B4GALT6: variants seen among roughly 807,000 people sequenced by gnomAD.
The protein encoded by B4GALT6 is UDP-Gal:beta-GlcNAc beta-1,4-galactosyltransferase 6.
B4GALT6 carries 14 observed loss-of-function variants against 46.3 expected under a neutral mutation model. That is an observed-to-expected ratio of 0.30 (90% CI 0.20 to 0.47). The LOEUF is 0.47. B4GALT6 is among the 20% of genes least tolerant of loss of function. The pLI is 0.99. For synonymous variants in B4GALT6, 168 were observed against 162.0 expected (o/e 1.04, Z -0.28); for missense variants, 386 against 480.1 (o/e 0.80, Z 1.83).
the B4GALT6 span, among the ~76,000 whole-genome samples, chr18:31,691,012 A>G: frequency 1.3e-5 from 2 of 152,038 alleles, no homozygotes; most frequent in Non-Finnish European, 2.9e-5. Flanking sequence ...AAGGGGAGGG[A>G]GAGCATTAGG....
intron 1 of B4GALT6, among the ~76,000 whole-genome samples, chr18:31,681,850 A>G (rs958507076): frequency 6.6e-6 from 1 of 152,208 alleles, no homozygotes; most frequent in African/African-American, 2.4e-5. Context: ...GGCACATAAA[A>G]AGTACTTACA....
intron 3 of B4GALT6, among the ~76,000 whole-genome samples, chr18:31,647,528 G>A (rs2074005895): frequency 6.6e-6 from 1 of 152,058 alleles, no homozygotes; most frequent in Non-Finnish European, 1.5e-5. Context: ...TGTGCTTGTT[G>A]CCCTTTGCTC....
chr18:31,637,025 T>C (rs1235124593), intron 5 of B4GALT6, among the ~76,000 whole-genome samples: 1 of 152,042 alleles, frequency 6.6e-6, no homozygotes, highest in African/African-American at 2.4e-5. Context: ...TTCACCATCT[T>C]GGCCAGGCTG....
chr18:31,638,909 G>A (rs1393812467), intron 4 of B4GALT6, 149 bp from the exon 5 acceptor site: 11 of 657,148 alleles, frequency 1.7e-5, no homozygotes, highest in East Asian at 5.4e-5. Flanking sequence ...AAGCAAACAC[G>A]CAAAAAGCCC....
chr18:31,708,320 T>C, the B4GALT6 span, among the ~76,000 whole-genome samples: 1 of 152,212 alleles, frequency 6.6e-6, no homozygotes, highest in East Asian at 1.9e-4. Flanking sequence ...ATCCCAGCAC[T>C]TTGGGAGGCC....
intron 3 of B4GALT6, among the ~76,000 whole-genome samples, chr18:31,657,515 G>A (rs955563803): frequency 5.3e-5 from 8 of 152,058 alleles, no homozygotes; most frequent in Non-Finnish European, 1.0e-4. Flanking sequence ...TTTCATAACC[G>A]GAAAGAATAC....
At chr18:31,704,300 C>G in the B4GALT6 span, among the ~76,000 whole-genome samples, 5 of 151,736 alleles carry the variant, frequency 3.3e-5, no homozygotes, top group Non-Finnish European at 5.9e-5. Context: ...CCTCCACCTC[C>G]CAGGTTCAAG....
intron 3 of B4GALT6, among the ~76,000 whole-genome samples, chr18:31,652,397 C>T (rs1282104414): frequency 1.3e-5 from 2 of 152,146 alleles, no homozygotes; most frequent in Admixed American, 1.3e-4. Context: ...GCAGTCTTGT[C>T]TCTCTGGGAT....
At chr18:31,670,857 C>T (rs143531593) in intron 1 of B4GALT6, among the ~76,000 whole-genome samples, 386 of 152,064 alleles carry the variant, frequency 2.5e-3, no homozygotes, top group African/African-American at 8.9e-3. Flanking sequence ...ACCCATCAAC[C>T]CGTCACCTAC....
chr18:31,724,238 T>G, the B4GALT6 span: 1 of 342,750 alleles, frequency 2.9e-6, no homozygotes, highest in South Asian at 3.0e-5. Context: ...TGGCTCCTGC[T>G]CAGTGCGCGG....
At chr18:31,650,186 G>C (rs1165430843) in intron 3 of B4GALT6, among the ~76,000 whole-genome samples, 1 of 152,186 alleles carries the variant, frequency 6.6e-6, no homozygotes, top group South Asian at 2.1e-4. Flanking sequence ...ACTGGCCTCT[G>C]TATAAAGTGG....
At chr18:31,689,114 C>T (rs1473685517), upstream of B4GALT6, among the ~76,000 whole-genome samples, 2 of 152,096 alleles carry the variant, frequency 1.3e-5, no homozygotes, top group African/African-American at 4.8e-5. Flanking sequence ...GTTGGTAAGT[C>T]AAAACGAGAA....
chr18:31,696,132 A>C, the B4GALT6 span, among the ~76,000 whole-genome samples: 6 of 152,360 alleles, frequency 3.9e-5, no homozygotes, highest in South Asian at 2.1e-4. Context: ...GAACAATATC[A>C]TCACAAAAAT....
chr18:31,632,100 A>G (rs1174717900), intron 5 of B4GALT6, among the ~76,000 whole-genome samples: 1 of 152,178 alleles, frequency 6.6e-6, no homozygotes, highest in Non-Finnish European at 1.5e-5. Flanking sequence ...TGTTTTAGCA[A>G]CATTTAACAA....
chr18:31,679,975 G>A (rs2074461161), intron 1 of B4GALT6, among the ~76,000 whole-genome samples: 1 of 152,132 alleles, frequency 6.6e-6, no homozygotes, highest in African/African-American at 2.4e-5. Context: ...CTTCATGCTA[G>A]AAGGGTCACT....
intron 4 of B4GALT6, among the ~76,000 whole-genome samples, 180 bp from the exon 5 acceptor site, chr18:31,638,940 C>A (rs1034406269): frequency 4.6e-5 from 7 of 152,172 alleles, no homozygotes; most frequent in African/African-American, 2.4e-5. Flanking sequence ...CTGCTATGGT[C>A]TTATAAAGCT....
intron 1 of B4GALT6, among the ~76,000 whole-genome samples, chr18:31,670,818 G>A (rs947389872): frequency 5.3e-5 from 8 of 151,840 alleles, no homozygotes; most frequent in African/African-American, 1.9e-4. Flanking sequence ...AGGTTACATA[G>A]GTTTACACAT....
chr18:31,683,996 T>A (rs377404178), intron 1 of B4GALT6, among the ~76,000 whole-genome samples: 2 of 152,164 alleles, frequency 1.3e-5, no homozygotes, highest in African/African-American at 4.8e-5. Context: ...TAACATTAAA[T>A]GGATAAAGCT....
At position 31,628,033 on chromosome 18, in the gene B4GALT6, C is replaced by G. The variant is rs553134919; in HGVS notation, c.777-912G>C. The stretch of plus-strand genomic sequence containing the variant: ...AGAGGAGGGAACTTTTTGTTAGACA[C>G]TCGCCTCACATTCTGAGAAGGACGT... On this transcript the variant is annotated intron_variant, in intron 6 of 8. Transcript: ENST00000306851. Among the ~76,000 whole-genome samples the G allele has an allele frequency of 8.5e-5, 13 of 152,340 alleles. 1 individual carries two copies. In the South Asian group the frequency reaches 2.7e-3, roughly 32 times the overall value.
Sources: gnomAD v4.1 joint callset for allele counts (sites outside exome capture counted in the v4.1 genomes callset) on GRCh38, gnomAD v4.1.1 for gene constraint, MANE v1.5 for transcripts, NCBI Gene and HGNC (gene_info 2026-07-23, HGNC 2026-07-21) for gene names.